CNTNAP2: variants seen among roughly 807,000 people sequenced by gnomAD.
The protein encoded by CNTNAP2 is contactin associated protein 2.
Under a neutral mutation model 155.2 loss-of-function variants are expected in CNTNAP2, and 98 were observed. That is an observed-to-expected ratio of 0.63 (90% CI 0.54 to 0.75). CNTNAP2 has a LOEUF of 0.75. CNTNAP2 is among the 30% of genes least tolerant of loss of function. The pLI is 0.00. For synonymous variants in CNTNAP2, 651 were observed against 631.2 expected (o/e 1.03, Z -0.47); for missense variants, 1,727 against 1,688.1 (o/e 1.02, Z -0.40).
intron 1 of CNTNAP2, among the ~76,000 whole-genome samples, chr7:146,658,602 A>G (rs905556369): frequency 6.6e-6 from 1 of 152,202 alleles, no homozygotes; most frequent in Non-Finnish European, 1.5e-5. Context: ...TTTATGAGGG[A>G]CATTGAATAT....
At chr7:148,022,694 CTTT>C (rs34120067) in intron 15 of CNTNAP2, among the ~76,000 whole-genome samples, 1 of 143,720 alleles carries the variant, frequency 7.0e-6, no homozygotes, top group Non-Finnish European at 1.5e-5. Flanking sequence ...TTTTAGTTTG[CTTT>C]TTTGTTTGTT....
At chr7:148,410,517 A>C (rs1283417037) in intron 23 of CNTNAP2, among the ~76,000 whole-genome samples, 2 of 148,868 alleles carry the variant, frequency 1.3e-5, no homozygotes, top group Admixed American at 6.8e-5. Flanking sequence ...CAGTGAGCTG[A>C]GATCACACCA....
chr7:148,004,901 A>T (rs1433680355), intron 15 of CNTNAP2, among the ~76,000 whole-genome samples: 2 of 152,196 alleles, frequency 1.3e-5, no homozygotes, highest in African/African-American at 4.8e-5. Flanking sequence ...TCCTGAGTTA[A>T]TCCAGTTAGC....
chr7:146,335,096 CAG>C (rs1801251992), intron 1 of CNTNAP2, among the ~76,000 whole-genome samples: 1 of 152,166 alleles, frequency 6.6e-6, no homozygotes, highest in African/African-American at 2.4e-5. Flanking sequence ...AAATGTCTGC[CAG>C]TGGCCAAATG....
In CNTNAP2 at chr7:148,267,028, T is replaced by C; in HGVS notation, c.3382-5T>C. On this transcript the variant is annotated splice_region_variant and splice_polypyrimidine_tract_variant and intron_variant, in intron 20 of 23. Coordinates refer to ENST00000361727, the MANE Select transcript of CNTNAP2 (RefSeq NM_014141.6). ...CTAAAAGTGTCTCTTGTTTTCCTCC[T>C]GCAGCTCGATCATTATCCTTCTGTG... 4 of 1,613,994 alleles carry C rather than the reference T, an allele frequency of 2.5e-6. No homozygotes were observed. The highest frequency in any genetic ancestry group is 3.4e-6 in the Non-Finnish European group (4 of 1,179,836).
intron 8 of CNTNAP2, among the ~76,000 whole-genome samples, chr7:147,166,400 G>T (rs1216929940): frequency 2.6e-5 from 4 of 152,152 alleles, no homozygotes; most frequent in African/African-American, 9.7e-5. Context: ...AGGAAGGATG[G>T]GAGGCGGGTG....
chr7:146,438,630 A>T (rs1270799994), intron 1 of CNTNAP2, among the ~76,000 whole-genome samples: 3 of 151,554 alleles, frequency 2.0e-5, no homozygotes, highest in African/African-American at 7.3e-5. Flanking sequence ...TAATACTACT[A>T]AGAGTTTCTT....
At chr7:147,047,031 C>CAAA (rs1230362426) in intron 4 of CNTNAP2, among the ~76,000 whole-genome samples, 1 of 49,866 alleles carries the variant, frequency 2.0e-5, no homozygotes, top group African/African-American at 6.5e-5. Flanking sequence ...GACTCCGTGT[C>CAAA]AAAAAAAAAA....
intron 9 of CNTNAP2, among the ~76,000 whole-genome samples, chr7:147,378,344 T>A (rs2116927101): frequency 6.6e-6 from 1 of 152,154 alleles, no homozygotes; most frequent in African/African-American, 2.4e-5. Flanking sequence ...CATAAGAATG[T>A]CTAATAATTA....
chr7:146,513,801 T>C (rs112958600), intron 1 of CNTNAP2, among the ~76,000 whole-genome samples: 2,203 of 152,102 alleles, frequency 0.014, 46 homozygotes, highest in African/African-American at 0.047. Flanking sequence ...AAGATGTTGT[T>C]TAACTGCATA....
At chr7:147,354,498 T>C (rs1438474196) in intron 9 of CNTNAP2, among the ~76,000 whole-genome samples, 1 of 152,186 alleles carries the variant, frequency 6.6e-6, no homozygotes, top group Non-Finnish European at 1.5e-5. Context: ...GGTCTATATC[T>C]CTGTTTTGGT....
At chr7:147,565,398 G>T (rs1800151224) in intron 12 of CNTNAP2, among the ~76,000 whole-genome samples, 1 of 151,928 alleles carries the variant, frequency 6.6e-6, no homozygotes, top group Non-Finnish European at 1.5e-5. Context: ...TTTTTCAATT[G>T]CAGTGGGTGG....
Position 146,737,331 on chromosome 7 carries a change from A to G in CNTNAP2, c.98-36940A>G, listed in dbSNP as rs73168801. Among the ~76,000 whole-genome samples, 396 of 152,256 alleles carry G rather than the reference A, an allele frequency of 2.6e-3. 2 individuals carry two copies. Among genetic ancestry groups the G allele is most frequent in the Non-Finnish European group, 4.4e-3 (297 of 67,984 alleles). The stretch of plus-strand genomic sequence containing the variant: ...GTATTTTTGAAGGACCTAGTATATT[A>G]TTAATTATAGTCACCATGTTATACA... On this transcript the variant is annotated intron_variant, in intron 1 of 23. Transcript: ENST00000361727.
intron 8 of CNTNAP2, among the ~76,000 whole-genome samples, chr7:147,245,262 AT>A (rs1804031117): frequency 6.6e-6 from 1 of 152,306 alleles, no homozygotes; most frequent in East Asian, 1.9e-4. Context: ...TTCTAAAAAA[AT>A]AAAAAATTAA....
Position 147,568,539 on chromosome 7 carries a change from TG to T in CNTNAP2, c.1897+6284del, listed in dbSNP as rs1323227028. ...TTATCATCCTGTGAAAGCCAAAGCC[TG>T]GTTTCTTTTTTTAGATCTTAGGGTA... On this transcript the variant is annotated intron_variant, in intron 12 of 23. Coordinates refer to ENST00000361727, the MANE Select transcript of CNTNAP2 (RefSeq NM_014141.6). 2.6e-5 allele frequency among the ~76,000 whole-genome samples: 4 copies of T among 152,186 alleles called. 1 individual carries two copies. The highest frequency in any genetic ancestry group is 4.1e-4 in the South Asian group (2 of 4,834).
chr7:147,792,402 A>T (rs1168925913), intron 13 of CNTNAP2, among the ~76,000 whole-genome samples: 1 of 151,978 alleles, frequency 6.6e-6, no homozygotes, highest in African/African-American at 2.4e-5. Context: ...TACCTATCTT[A>T]GACTTTGCAT....
chr7:146,369,099 C>T (rs1795197526), intron 1 of CNTNAP2, among the ~76,000 whole-genome samples: 1 of 148,638 alleles, frequency 6.7e-6, no homozygotes, highest in South Asian at 2.1e-4. Flanking sequence ...GTGAATCAGT[C>T]TCATTCGTAG....
At chr7:147,005,119 T>A (rs1798502012) in intron 3 of CNTNAP2, among the ~76,000 whole-genome samples, 1 of 152,058 alleles carries the variant, frequency 6.6e-6, no homozygotes, top group Non-Finnish European at 1.5e-5. Flanking sequence ...TTTTATTTTT[T>A]AAAATGATCC....
chr7:146,960,434 AG>A (rs1385023552), intron 3 of CNTNAP2, among the ~76,000 whole-genome samples: 3 of 152,170 alleles, frequency 2.0e-5, no homozygotes, highest in Non-Finnish European at 4.4e-5. Flanking sequence ...TTTTCTGTGC[AG>A]TGCCTGTGCT....
Sources: gnomAD v4.1 joint callset for allele counts (sites outside exome capture counted in the v4.1 genomes callset) on GRCh38, gnomAD v4.1.1 for gene constraint, MANE v1.5 for transcripts, NCBI Gene and HGNC (gene_info 2026-07-23, HGNC 2026-07-21) for gene names.